Variants in RSU1 observed in about 807,000 individuals in gnomAD.
RSU1 encodes the protein Ras suppressor protein 1, also known as rsu-1.
A neutral mutation model predicts 31.1 loss-of-function variants in RSU1; 26 were observed. The ratio of observed to expected loss-of-function variants is 0.84; its 90% confidence interval spans 0.61 to 1.16. RSU1 has a LOEUF of 1.16. Ranked by LOEUF, RSU1 falls within the 50% of genes most tolerant of loss-of-function variation. RSU1 has a pLI of 0.00. For synonymous variants in RSU1, 164 were observed against 136.3 expected (o/e 1.20, Z -1.41); for missense variants, 320 against 339.1 (o/e 0.94, Z 0.44).
intron 5 of RSU1, among the ~76,000 whole-genome samples, chr10:16,753,895 T>C (rs1837030412): frequency 2.0e-5 from 3 of 152,126 alleles, no homozygotes; most frequent in African/African-American, 7.2e-5. Context: ...GTAGCTAAGA[T>C]CACAGGCTCA....
rs899967606 is a variant in RSU1, at chr10:16,594,792, T to A, written c.732-1296A>T. 1.2e-3 allele frequency among the ~76,000 whole-genome samples: 181 copies of A among 145,144 alleles called. 1 individual carries two copies. The highest frequency in any genetic ancestry group is 3.9e-3 in the African/African-American group (154 of 38,998). ...ATTATATATCATATATATATATATT[T>A]TTTTTTTTTTGAGATGGAGTCCTAT... is the stretch of plus-strand genomic sequence containing the variant. On this transcript the variant is annotated intron_variant, in intron 8 of 8. Coordinates refer to ENST00000345264, the MANE Select transcript of RSU1 (RefSeq NM_012425.4).
chr10:16,597,218 G>A (rs909631298), intron 8 of RSU1, among the ~76,000 whole-genome samples: 5 of 152,230 alleles, frequency 3.3e-5, no homozygotes, highest in African/African-American at 9.6e-5. Flanking sequence ...TGAGGTGGGT[G>A]TTCAGCTTGG....
intron 7 of RSU1, among the ~76,000 whole-genome samples, chr10:16,695,637 A>G (rs1420245949): frequency 6.6e-6 from 1 of 152,220 alleles, no homozygotes. Context: ...CAAGTATAAG[A>G]GCATAAGCAC....
intron 8 of RSU1, among the ~76,000 whole-genome samples, chr10:16,600,886 G>A (rs1323778982): frequency 6.6e-6 from 1 of 152,000 alleles, no homozygotes; most frequent in Non-Finnish European, 1.5e-5. Flanking sequence ...ATTTAATATG[G>A]GCATCTTTAT....
At chr10:16,755,027 A>C in intron 4 of RSU1, 38 bp from the exon 5 acceptor site, 3 of 1,290,244 alleles carry the variant, frequency 2.3e-6, no homozygotes, top group South Asian at 1.2e-5. Context: ...CATGACACCA[A>C]AGACACATTC....
intron 4 of RSU1, among the ~76,000 whole-genome samples, chr10:16,757,686 C>T (rs1196723441): frequency 2.6e-5 from 4 of 152,106 alleles, no homozygotes; most frequent in Non-Finnish European, 4.4e-5. Flanking sequence ...CTGATGAAGG[C>T]GACATGTGTC....
intron 8 of RSU1, among the ~76,000 whole-genome samples, chr10:16,654,055 T>G (rs918664434): frequency 6.6e-6 from 1 of 151,700 alleles, no homozygotes; most frequent in African/African-American, 2.4e-5. Flanking sequence ...CAGGCTGGAG[T>G]GCAATGGTGT....
rs774881260 is a variant in RSU1, at chr10:16,672,768, T to C, written c.731+22255A>G. ...GAGAAATATGGTTTATACATGGGCATAAAAAAACCCTTGGGGATGAGGAAT... is the reference window on the plus strand; with the variant it reads ...GAGAAATATGGTTTATACATGGGCACAAAAAAACCCTTGGGGATGAGGAAT... On this transcript the variant is annotated intron_variant, in intron 8 of 8. Coordinates refer to ENST00000345264, the MANE Select transcript of RSU1 (RefSeq NM_012425.4). Among the ~76,000 whole-genome samples the C allele has an allele frequency of 4.8e-4, 73 of 152,080 alleles. 1 individual carries two copies. Among genetic ancestry groups the C allele is most frequent in the Non-Finnish European group, 1.0e-3 (69 of 67,990 alleles).
intron 2 of RSU1, among the ~76,000 whole-genome samples, chr10:16,815,045 T>C (rs1241904943): frequency 6.6e-6 from 1 of 152,276 alleles, no homozygotes; most frequent in East Asian, 1.9e-4. Flanking sequence ...AGGTTCCCGC[T>C]ATGCATCATC....
At chr10:16,739,389 TTAA>T (rs1251759011) in intron 7 of RSU1, among the ~76,000 whole-genome samples, 1 of 152,080 alleles carries the variant, frequency 6.6e-6, no homozygotes, top group Non-Finnish European at 1.5e-5. Flanking sequence ...TCCTGACTTT[TTAA>T]TAATCACCAT....
At chr10:16,740,268 CAT>C (rs1363909063) in intron 7 of RSU1, among the ~76,000 whole-genome samples, 2 of 152,004 alleles carry the variant, frequency 1.3e-5, no homozygotes, top group Non-Finnish European at 2.9e-5. Context: ...ATAAAAGCCA[CAT>C]AGACATAGAA....
At chr10:16,693,130 A>C (rs1835597518) in intron 8 of RSU1, among the ~76,000 whole-genome samples, 1 of 152,012 alleles carries the variant, frequency 6.6e-6, no homozygotes, top group South Asian at 2.1e-4. Context: ...TGCCCAGCTA[A>C]TTTTTGTGTT....
intron 7 of RSU1, among the ~76,000 whole-genome samples, chr10:16,711,530 T>A (rs1048442970): frequency 6.6e-6 from 1 of 152,206 alleles, no homozygotes; most frequent in African/African-American, 2.4e-5. Context: ...TGTATTGCTA[T>A]AAAATTCCCT....
At chr10:16,727,167 C>A (rs1389914344) in intron 7 of RSU1, 3 of 456,354 alleles carry the variant, frequency 6.6e-6, no homozygotes, top group African/African-American at 6.0e-5. Context: ...CCTATAGTGA[C>A]AGGAGTCATT....
At chr10:16,813,188 G>C (rs572255341) in intron 2 of RSU1, among the ~76,000 whole-genome samples, 1 of 152,122 alleles carries the variant, frequency 6.6e-6, no homozygotes, top group East Asian at 1.9e-4. Context: ...GGTGTTCTTG[G>C]AAGCTTTAAC....
chr10:16,632,759 C>CA (rs756011424), intron 8 of RSU1, among the ~76,000 whole-genome samples: 5 of 151,940 alleles, frequency 3.3e-5, no homozygotes, highest in Non-Finnish European at 7.4e-5. Context: ...AGCAACATGG[C>CA]AAAACCTCGT....
At chr10:16,752,734 C>T in intron 6 of RSU1, 81 bp from the exon 7 acceptor site, 2 of 1,134,262 alleles carry the variant, frequency 1.8e-6, no homozygotes, top group Non-Finnish European at 2.6e-6. Context: ...TATGTCCTCT[C>T]TTCTACTAAA....
rs1833504814 is a variant in RSU1, at chr10:16,591,556, T to C, written c.*1838A>G. The C allele has an allele frequency of 6.6e-6, 1 of 152,210 alleles. No individual in the cohort carries two copies. Among genetic ancestry groups the C allele is most frequent in the African/African-American group, 2.4e-5 (1 of 41,458 alleles). 9.4% of individuals were successfully genotyped at this position (152,210 alleles called of 1,614,324 possible). On this transcript the variant is annotated 3_prime_UTR_variant, in exon 9 of 9. Transcript: ENST00000345264. ...TTGCACTTAATACTGCCTTAAAAAA[T>C]ATTTGCACATTTCTCTTTGTTACAC...
intron 7 of RSU1, among the ~76,000 whole-genome samples, chr10:16,722,855 T>TATACATATATGTATATATACACACAC (rs1564332459): frequency 2.0e-5 from 1 of 50,680 alleles, no homozygotes; most frequent in Non-Finnish European, 4.1e-5. Context: ...TATACACACA[T>TATACATATATGTATATATACACACAC]ATATACATAT....
Sources: gnomAD v4.1 joint callset for allele counts (sites outside exome capture counted in the v4.1 genomes callset) on GRCh38, gnomAD v4.1.1 for gene constraint, MANE v1.5 for transcripts, NCBI Gene and HGNC (gene_info 2026-07-23, HGNC 2026-07-21) for gene names.